Variants in ST6GALNAC3 observed in about 807,000 individuals in gnomAD.
ST6GALNAC3 encodes the protein alpha-N-acetylgalactosaminide alpha-2,6-sialyltransferase 3.
In ST6GALNAC3, 25 loss-of-function variants were observed where a neutral mutation model predicts 32.7. The ratio of observed to expected loss-of-function variants is 0.76; its 90% CI spans 0.56 to 1.07. ST6GALNAC3 has a LOEUF of 1.07. ST6GALNAC3 is among the 50% of genes least tolerant of loss of function. The pLI is 0.00. For missense variants in ST6GALNAC3, 355 were observed against 382.4 expected (o/e 0.93, Z 0.60); for synonymous variants, 129 against 133.1 (o/e 0.97, Z 0.21).
chr1:76,516,273 A>G (rs554383963), intron 3 of ST6GALNAC3, among the ~76,000 whole-genome samples: 5 of 152,282 alleles, frequency 3.3e-5, no homozygotes, highest in Admixed American at 3.3e-4. Flanking sequence ...TGCCTTGGAG[A>G]TTATAGATAT....
intron 3 of ST6GALNAC3, among the ~76,000 whole-genome samples, chr1:76,559,132 T>C (rs898956718): frequency 2.0e-5 from 3 of 152,170 alleles, no homozygotes; most frequent in Non-Finnish European, 4.4e-5. Context: ...AAAAAGTTTG[T>C]AACCCTTGGT....
rs139487044 is a variant in ST6GALNAC3, at chr1:76,599,328, C to T, written c.624-28124C>T. On this transcript the variant is annotated intron_variant, in intron 3 of 4. Coordinates refer to ENST00000328299, the MANE Select transcript of ST6GALNAC3 (RefSeq NM_152996.4). ...TAAGTTCTGGGATACATATGCAGAA[C>T]GTGCAGGTTTGTTACCTAAGTATAC... 1.3e-3 allele frequency among the ~76,000 whole-genome samples: 198 copies of T among 152,108 alleles called. 4 individuals are homozygous for T. The East Asian group carries it at 0.032, about 24-fold the overall frequency.
chr1:76,097,391 C>T (rs981351647), intron 1 of ST6GALNAC3, among the ~76,000 whole-genome samples: 17 of 152,062 alleles, frequency 1.1e-4, no homozygotes, highest in African/African-American at 4.1e-4. Context: ...TGAGTGAGTT[C>T]TCATGAGATC....
chr1:76,262,813 C>T (rs969383165), intron 1 of ST6GALNAC3, among the ~76,000 whole-genome samples: 2 of 152,082 alleles, frequency 1.3e-5, no homozygotes, highest in African/African-American at 2.4e-5. Context: ...GAAACATGCA[C>T]GCACACATTT....
intron 3 of ST6GALNAC3, among the ~76,000 whole-genome samples, chr1:76,582,918 C>T (rs1209962549): frequency 6.6e-6 from 1 of 152,146 alleles, no homozygotes; most frequent in East Asian, 1.9e-4. Context: ...TCTTAAAGTA[C>T]TACTAAATTT....
At chr1:76,238,979 A>G (rs1570543227) in intron 1 of ST6GALNAC3, among the ~76,000 whole-genome samples, 1 of 149,940 alleles carries the variant, frequency 6.7e-6, no homozygotes, top group African/African-American at 2.5e-5. Flanking sequence ...ACTGTTTAAA[A>G]GGATAAGGCC....
intron 2 of ST6GALNAC3, among the ~76,000 whole-genome samples, chr1:76,356,434 T>TAAAAAAAAAAAAA (rs3079481): frequency 1.7e-5 from 2 of 120,418 alleles, no homozygotes; most frequent in African/African-American, 3.3e-5. Flanking sequence ...ACAGTAGGGT[T>TAAAAAAAAAAAAA]AAAAAAAAAA....
At chr1:76,592,995 CT>C (rs1382999213) in intron 3 of ST6GALNAC3, among the ~76,000 whole-genome samples, 2 of 144,256 alleles carry the variant, frequency 1.4e-5, no homozygotes, top group African/African-American at 5.6e-5. Context: ...TCATTTTGTC[CT>C]CCTTTTTTTT....
chr1:76,492,347 G>A (rs1660552567), intron 3 of ST6GALNAC3, among the ~76,000 whole-genome samples: 1 of 151,944 alleles, frequency 6.6e-6, no homozygotes, highest in East Asian at 1.9e-4. Context: ...AGAATAAGTA[G>A]TATTAAGTAA....
At chr1:76,587,467 C>A (rs1402136819) in intron 3 of ST6GALNAC3, among the ~76,000 whole-genome samples, 1 of 152,152 alleles carries the variant, frequency 6.6e-6, no homozygotes, top group Non-Finnish European at 1.5e-5. Flanking sequence ...GAGAGTCCGG[C>A]GAACATGTGG....
At chr1:76,326,972 C>T (rs1031013058) in intron 2 of ST6GALNAC3, among the ~76,000 whole-genome samples, 8 of 151,926 alleles carry the variant, frequency 5.3e-5, no homozygotes, top group South Asian at 2.1e-4. Context: ...AAAGACAGTA[C>T]TTCTAATGTT....
chr1:76,596,226 A>C (rs1156531350), intron 3 of ST6GALNAC3, among the ~76,000 whole-genome samples: 1 of 152,110 alleles, frequency 6.6e-6, no homozygotes, highest in Non-Finnish European at 1.5e-5. Context: ...AGCAGAATTA[A>C]TTACTTCCTA....
chr1:76,446,845 G>A (rs1258146712), intron 3 of ST6GALNAC3, among the ~76,000 whole-genome samples: 5 of 152,128 alleles, frequency 3.3e-5, no homozygotes, highest in East Asian at 1.9e-4. Context: ...CCCTAGCCAC[G>A]TGGAACTATA....
chr1:76,617,075 C>G (rs1300167892), intron 3 of ST6GALNAC3, among the ~76,000 whole-genome samples: 1 of 152,140 alleles, frequency 6.6e-6, no homozygotes, highest in East Asian at 1.9e-4. Flanking sequence ...GAAATCACCT[C>G]AAATCATTCT....
intron 3 of ST6GALNAC3, among the ~76,000 whole-genome samples, chr1:76,605,594 G>T (rs1248439540): frequency 6.6e-6 from 1 of 152,048 alleles, no homozygotes; most frequent in Non-Finnish European, 1.5e-5. Flanking sequence ...GCTGGGCACA[G>T]TGGCTCACTC....
intron 1 of ST6GALNAC3, among the ~76,000 whole-genome samples, chr1:76,152,207 T>C (rs574123210): frequency 6.6e-6 from 1 of 152,322 alleles, no homozygotes; most frequent in African/African-American, 2.4e-5. Context: ...TCATATCTTT[T>C]TGTCATTGTC....
intron 1 of ST6GALNAC3, among the ~76,000 whole-genome samples, chr1:76,277,567 T>C (rs199964034): frequency 5.1e-3 from 261 of 51,154 alleles, no homozygotes; most frequent in East Asian, 0.042. Flanking sequence ...TATATATATA[T>C]ACACACACAC....
At chr1:76,478,399 G>C (rs944907620) in intron 3 of ST6GALNAC3, among the ~76,000 whole-genome samples, 2 of 152,162 alleles carry the variant, frequency 1.3e-5, no homozygotes, top group Admixed American at 6.5e-5. Flanking sequence ...GTTTTCTGGA[G>C]TTCCTCCTGG....
intron 1 of ST6GALNAC3, among the ~76,000 whole-genome samples, chr1:76,219,920 G>A (rs1368679890): frequency 2.0e-5 from 3 of 152,142 alleles, no homozygotes; most frequent in Non-Finnish European, 4.4e-5. Flanking sequence ...AGTTGCTGCA[G>A]CACCCAACCC....
Sources: allele counts gnomAD v4.1 joint callset (sites outside exome capture counted in the v4.1 genomes callset), GRCh38; gene constraint gnomAD v4.1.1; transcripts MANE v1.5; gene names NCBI Gene and HGNC (gene_info 2026-07-23, HGNC 2026-07-21).